RNF145: variants seen among roughly 807,000 people sequenced by gnomAD.
RNF145 encodes the protein ring finger protein 145.
RNF145 carries 12 observed loss-of-function variants against 57.3 expected under a neutral mutation model. That is an observed-to-expected ratio of 0.21 (90% CI 0.13 to 0.34). The LOEUF (loss-of-function observed/expected upper bound fraction) is 0.34, where lower values mean the gene tolerates loss of function less well. Among genes scored for constraint, RNF145 ranks in the 10% least tolerant of loss-of-function variants. The pLI is 1.00. For missense variants in RNF145, 429 were observed against 799.0 expected, an observed-to-expected ratio of 0.54 and a Z score of 5.58; for synonymous variants, 262 against 288.3, an observed-to-expected ratio of 0.91 and a Z score of 0.92.
rs1047193202 is a variant in RNF145 at position 159,158,515 on chromosome 5, G to C, written c.*155C>G. 2.2e-6 allele frequency: 2 copies of C among 894,258 alleles called. No homozygotes were observed. The highest frequency in any genetic ancestry group is 3.4e-6 in the Non-Finnish European group (2 of 593,612). 55.4% of individuals were successfully genotyped at this position (894,258 alleles called of 1,614,324 possible). A position where few individuals can be genotyped will look rare whatever the true frequency, so the allele number is the denominator to read the frequency against. On this transcript the variant is annotated 3_prime_UTR_variant, in exon 11 of 11. Transcript: ENST00000424310. ...CCACAATGTCAGGGGATGAAAGCAG[G>C]TGGTCCCCACTGAGAGTACTTCCTG...
intron 2 of RNF145, among the ~76,000 whole-genome samples, chr5:159,199,029 C>T (rs1170919560): frequency 6.6e-6 from 1 of 152,126 alleles, no homozygotes; most frequent in Admixed American, 6.5e-5. Context: ...CAGCTAGGTG[C>T]TGGGAATACT....
chr5:159,161,123 TTAATA>T, intron 10 of RNF145, 138 bp downstream of exon 10: 5 of 569,072 alleles, frequency 8.8e-6, no homozygotes, highest in Non-Finnish European at 1.6e-5. Context: ...TATCAGGTCT[TTAATA>T]TAATTTCTGA....
At chr5:159,189,746 A>G (rs539840684) in intron 3 of RNF145, among the ~76,000 whole-genome samples, 2 of 152,378 alleles carry the variant, frequency 1.3e-5, no homozygotes, top group African/African-American at 2.4e-5. Context: ...ACATCCATAC[A>G]ATGGAATATG....
intron 8 of RNF145, among the ~76,000 whole-genome samples, chr5:159,166,295 A>G (rs896502333): frequency 2.6e-5 from 4 of 152,208 alleles, no homozygotes; most frequent in African/African-American, 9.7e-5. Flanking sequence ...TCAGGAGTGC[A>G]TACTAGAAAT....
At position 159,158,852 on chromosome 5, in the gene RNF145, T is replaced by C. The variant is rs778138499; in HGVS notation, c.1810A>G (p.Met604Val). ...QPHAGAEQNV[M>V]FQEGTEPPGQ... ...GGGGGTTCAGTACCTTCCTGAAACATGACGTTTTGCTCAGCTCCAGCATGA... is the reference window on the plus strand; with the variant it reads ...GGGGGTTCAGTACCTTCCTGAAACACGACGTTTTGCTCAGCTCCAGCATGA... The change falls in exon 11 of 11, where the codon ATG (methionine) becomes GTG (valine). Residue 604 changes from methionine (M) to valine (V), a missense_variant. Physicochemically the swap from Met to Val is conservative, Grantham distance 21 (BLOSUM62 1). Transcript: ENST00000424310. 3 of 1,613,908 alleles carry C rather than the reference T, an allele frequency of 1.9e-6. No individual in the cohort carries two copies. The highest frequency in any genetic ancestry group is 2.5e-6 in the Non-Finnish European group (3 of 1,179,852).
intron 3 of RNF145, among the ~76,000 whole-genome samples, chr5:159,188,637 T>G (rs1785174333): frequency 6.6e-6 from 1 of 152,164 alleles, no homozygotes; most frequent in African/African-American, 2.4e-5. Context: ...TTTTAAAAAT[T>G]TTAAACTGAC....
chr5:159,205,451 A>G (rs1785843621), intron 1 of RNF145, among the ~76,000 whole-genome samples: 1 of 152,230 alleles, frequency 6.6e-6, no homozygotes, highest in Non-Finnish European at 1.5e-5. Context: ...AGGAAAAAAT[A>G]CACCAAAACA....
At chr5:159,170,992 C>T (rs1452843826) in intron 6 of RNF145, among the ~76,000 whole-genome samples, 6 of 152,146 alleles carry the variant, frequency 3.9e-5, no homozygotes, top group Admixed American at 1.3e-4. Context: ...CCTTACTATG[C>T]AGCTCCATGC....
rs1020203150 is a variant in RNF145 at position 159,186,423 on chromosome 5, T to C, written c.294-4372A>G. Among the ~76,000 whole-genome samples, 12 of 152,212 alleles carry C rather than the reference T, an allele frequency of 7.9e-5. No individual in the cohort carries two copies. In the South Asian group the frequency reaches 8.3e-4, roughly 10 times the overall value. On this transcript the variant is annotated intron_variant, in intron 3 of 10. Transcript: ENST00000424310. ...GACCTGACTCAGACACTGGACAACC[T>C]AGGAACAACTTGTACATTCTGGCTA... is the stretch of plus-strand genomic sequence containing the variant.
chr5:159,168,771 T>C, intron 8 of RNF145, 102 bp downstream of exon 8: 3 of 673,204 alleles, frequency 4.5e-6, no homozygotes, highest in Non-Finnish European at 6.9e-6. Flanking sequence ...CAATTACCCA[T>C]ATCCATTTTC....
chr5:159,171,606 T>C (rs939263283), intron 6 of RNF145, among the ~76,000 whole-genome samples: 6 of 152,326 alleles, frequency 3.9e-5, no homozygotes, highest in Admixed American at 2.0e-4. Flanking sequence ...AACTCATTTT[T>C]ATTAAATCTT....
chr5:159,207,281 CTA>C (rs1785923716), intron 1 of RNF145, among the ~76,000 whole-genome samples: 1 of 152,010 alleles, frequency 6.6e-6, no homozygotes, highest in African/African-American at 2.4e-5. Context: ...CTCTGAAGAA[CTA>C]TGTCAAATAA....
chr5:159,209,556 C>T, upstream of RNF145: 4 of 989,038 alleles, frequency 4.0e-6, no homozygotes, highest in Non-Finnish European at 4.8e-6. Flanking sequence ...CGCTCTGCGG[C>T]GGCCGCGGCC....
intron 9 of RNF145, 22 bp from the exon 10 acceptor site, chr5:159,161,644 A>C (rs1784220761): frequency 1.5e-6 from 2 of 1,301,334 alleles, no homozygotes. Flanking sequence ...AAAAAAATGT[A>C]CGTATCTTGA....
chr5:159,170,134 C>T (rs1014386602), intron 6 of RNF145, among the ~76,000 whole-genome samples: 1 of 152,196 alleles, frequency 6.6e-6, no homozygotes, highest in Non-Finnish European at 1.5e-5. Flanking sequence ...AGCATGCTGA[C>T]AAGTATTCAA....
At chr5:159,168,372 T>C (rs1784450862) in intron 8 of RNF145, among the ~76,000 whole-genome samples, 1 of 152,178 alleles carries the variant, frequency 6.6e-6, no homozygotes, top group Non-Finnish European at 1.5e-5. Flanking sequence ...TCAGTTGAAA[T>C]TGTCTAAAAC....
intron 2 of RNF145, among the ~76,000 whole-genome samples, chr5:159,201,857 ACT>A (rs1785680129): frequency 6.6e-6 from 1 of 152,212 alleles, no homozygotes; most frequent in African/African-American, 2.4e-5. Flanking sequence ...TTCATTAAAT[ACT>A]TTTTATGCTT....
chr5:159,199,389 GAA>G (rs66787021), intron 2 of RNF145, among the ~76,000 whole-genome samples: 3,069 of 140,862 alleles, frequency 0.022, 48 homozygotes, highest in African/African-American at 0.034. Context: ...GAAAAATCAG[GAA>G]AAAAAAAAAA....
intron 4 of RNF145, among the ~76,000 whole-genome samples, chr5:159,177,469 A>C (rs1223755152): frequency 6.6e-6 from 1 of 152,096 alleles, no homozygotes; most frequent in African/African-American, 2.4e-5. Context: ...CAAAATGGGA[A>C]ACTCTCAGTC....
Sources: allele counts gnomAD v4.1 joint callset (sites outside exome capture counted in the v4.1 genomes callset), GRCh38; gene constraint gnomAD v4.1.1; transcripts MANE v1.5; gene names NCBI Gene and HGNC (gene_info 2026-07-23, HGNC 2026-07-21).